MMD2: variants seen among roughly 807,000 people sequenced by gnomAD.
MMD2 encodes the protein monocyte to macrophage differentiation associated 2.
A neutral mutation model predicts 33.5 loss-of-function variants in MMD2; 30 were observed. That is an observed-to-expected ratio of 0.90 (90% CI 0.67 to 1.22). MMD2 has a LOEUF of 1.22. Ranked by LOEUF, MMD2 falls within the 50% of genes most tolerant of loss-of-function variation. MMD2 has a pLI of 0.00. For missense variants in MMD2, 364 were observed against 325.4 expected, an observed-to-expected ratio of 1.12 and a Z score of -0.91; for synonymous variants, 129 against 123.0, an observed-to-expected ratio of 1.05 and a Z score of -0.32.
intron 1 of MMD2, among the ~76,000 whole-genome samples, chr7:4,938,997 C>T (rs1405751936): frequency 6.6e-6 from 1 of 151,464 alleles, no homozygotes; most frequent in Non-Finnish European, 1.5e-5. Flanking sequence ...TACCTGAGGT[C>T]GGGAGTTGGA....
At chr7:4,913,706 G>A (rs1388841992) in intron 4 of MMD2, among the ~76,000 whole-genome samples, 7 of 112,276 alleles carry the variant, frequency 6.2e-5, no homozygotes, top group Admixed American at 5.2e-4. Context: ...CAACAAGAGC[G>A]AAACTCTATC....
rs1323923802 is a variant in MMD2 at position 4,920,231 on chromosome 7, CAGAGGCCGAGGCCGT to C, written c.215_229del (p.Tyr72_Leu76del). Reference sequence around the variant, plus strand: ...CACAGTGGACACCACGAAGAGGCCGCAGAGGCCGAGGCCGTAGATCCAGGCAGAGATGGTCTCCCA... The same window carrying C: ...CACAGTGGACACCACGAAGAGGCCGCAGATCCAGGCAGAGATGGTCTCCCA... On this transcript the variant is annotated inframe_deletion, in exon 3 of 7. Transcript: ENST00000401401. The C allele has an allele frequency of 1.9e-6, 3 of 1,589,656 alleles. No homozygotes were observed. The highest frequency in any genetic ancestry group is 1.3e-5 in the African/African-American group (1 of 74,594).
At chr7:4,936,402 G>C (rs1246469455) in intron 1 of MMD2, among the ~76,000 whole-genome samples, 1 of 152,082 alleles carries the variant, frequency 6.6e-6, no homozygotes, top group Non-Finnish European at 1.5e-5. Flanking sequence ...GGGGGTGCTG[G>C]TCACAGAAGA....
intron 1 of MMD2, among the ~76,000 whole-genome samples, chr7:4,949,789 A>G (rs1786190392): frequency 6.6e-6 from 1 of 152,142 alleles, no homozygotes; most frequent in Admixed American, 6.6e-5. Context: ...GGCATGAGCC[A>G]CTGTGCCCGG....
At chr7:4,916,371 C>CTTTTT (rs553309427) in intron 3 of MMD2, among the ~76,000 whole-genome samples, 4 of 64,784 alleles carry the variant, frequency 6.2e-5, no homozygotes, top group African/African-American at 2.8e-4. Context: ...CTCCGTCCCA[C>CTTTTT]TTTTTTTTTT....
At chr7:4,941,468 A>T (rs1785907161) in intron 1 of MMD2, among the ~76,000 whole-genome samples, 1 of 152,106 alleles carries the variant, frequency 6.6e-6, no homozygotes. Flanking sequence ...TGTCTCTACT[A>T]AAAATACAAA....
Position 4,956,299 on chromosome 7 carries a change from A to T in MMD2, c.47+2672T>A, listed in dbSNP as rs368635419. ...TAATTAGCCAGGCATGGTGGTGCAC[A>T]CCTGTAGTCCCAGCTACTCAGGAGG... On this transcript the variant is annotated intron_variant, in intron 1 of 6. Transcript: ENST00000401401. Among the ~76,000 whole-genome samples, 5 of 151,686 alleles carry T rather than the reference A, an allele frequency of 3.3e-5. No homozygotes were observed. In the South Asian group the frequency reaches 8.4e-4, roughly 25 times the overall value.
chr7:4,936,029 A>G (rs890094495), intron 1 of MMD2, among the ~76,000 whole-genome samples: 2 of 151,984 alleles, frequency 1.3e-5, no homozygotes, highest in Non-Finnish European at 2.9e-5. Flanking sequence ...TACTAAAAAT[A>G]CAAAAACTAG....
chr7:4,895,074 G>A, the MMD2 span, among the ~76,000 whole-genome samples: 1 of 134,374 alleles, frequency 7.4e-6, no homozygotes, highest in Non-Finnish European at 1.5e-5. Context: ...GCATCAGCCA[G>A]CTGAAGTCTT....
intron 1 of MMD2, among the ~76,000 whole-genome samples, chr7:4,931,071 G>A (rs1258106891): frequency 6.6e-6 from 1 of 152,102 alleles, no homozygotes; most frequent in African/African-American, 2.4e-5. Flanking sequence ...GGCTAGTCTC[G>A]AACTCCTGAC....
Position 4,920,328 on chromosome 7 carries a change from A to G in MMD2, c.133T>C (p.Trp45Arg), listed in dbSNP as rs1348455557. Residue 45 changes from tryptophan to arginine, a missense_variant, in exon 3 of 7, where the codon TGG becomes CGG. Physicochemically the swap from Trp to Arg is moderately radical, Grantham distance 101. Coordinates refer to ENST00000401401, the MANE Select transcript of MMD2 (RefSeq NM_198403.4). ...CTGCCCAGGATGCTGGGGATGATCCAGAACTGGAGGGGCAGGGACGGCAGG... is the reference window on the plus strand; with the variant it reads ...CTGCCCAGGATGCTGGGGATGATCCGGAACTGGAGGGGCAGGGACGGCAGG... ...HAANCATHAF[W>R]IIPSILGSSN... is the part of the protein sequence containing the mutation. 6.2e-7 allele frequency: 1 copy of G among 1,607,866 alleles called. No individual in the cohort carries two copies. The highest frequency in any genetic ancestry group is 8.5e-7 in the Non-Finnish European group (1 of 1,177,656).
chr7:4,899,749 G>A, the MMD2 span, among the ~76,000 whole-genome samples: 126 of 152,262 alleles, frequency 8.3e-4, 2 homozygotes, highest in African/African-American at 3.0e-3. Flanking sequence ...GAAAAACACT[G>A]CCCTGTGGGA....
intron 1 of MMD2, among the ~76,000 whole-genome samples, chr7:4,929,247 CAGATGAG>C (rs1349364256): frequency 6.6e-6 from 1 of 152,134 alleles, no homozygotes; most frequent in Non-Finnish European, 1.5e-5. Context: ...GCCCATTCGA[CAGATGAG>C]AAAACTAAGA....
intron 1 of MMD2, among the ~76,000 whole-genome samples, chr7:4,958,753 A>T (rs941514401): frequency 2.6e-5 from 4 of 152,142 alleles, no homozygotes; most frequent in African/African-American, 9.7e-5. Context: ...CGACTTGCCC[A>T]ATGGCACCCA....
chr7:4,929,353 A>C (rs1785513572), intron 1 of MMD2, among the ~76,000 whole-genome samples: 1 of 151,908 alleles, frequency 6.6e-6, no homozygotes, highest in Non-Finnish European at 1.5e-5. Context: ...CAGACTGAAA[A>C]CTGGAATTAC....
At chr7:4,950,712 C>CTT (rs71004603) in intron 1 of MMD2, among the ~76,000 whole-genome samples, 5 of 133,892 alleles carry the variant, frequency 3.7e-5, no homozygotes, top group South Asian at 2.5e-4. Flanking sequence ...TTCTTTCCTT[C>CTT]TTTTTTTTTT....
intron 1 of MMD2, among the ~76,000 whole-genome samples, chr7:4,930,407 AGGTG>A (rs1785548579): frequency 1.3e-5 from 2 of 151,762 alleles, no homozygotes; most frequent in African/African-American, 4.8e-5. Flanking sequence ...TGGGAAGCGG[AGGTG>A]GGTGGATCAT....
chr7:4,930,674 G>A (rs892879438), intron 1 of MMD2, among the ~76,000 whole-genome samples: 3 of 146,170 alleles, frequency 2.1e-5, no homozygotes, highest in Non-Finnish European at 4.5e-5. Context: ...AGACAGAGAG[G>A]ACAACATCAA....
intron 1 of MMD2, among the ~76,000 whole-genome samples, chr7:4,935,900 T>C (rs1350910263): frequency 3.3e-5 from 5 of 151,826 alleles, no homozygotes; most frequent in Non-Finnish European, 7.4e-5. Context: ...ATAAAAAATT[T>C]TGGGCCGGGC....
Sources: allele counts gnomAD v4.1 joint callset (sites outside exome capture counted in the v4.1 genomes callset), GRCh38; gene constraint gnomAD v4.1.1; transcripts MANE v1.5; gene names NCBI Gene and HGNC (gene_info 2026-07-23, HGNC 2026-07-21).